PLEKHA6: variants seen among roughly 807,000 people sequenced by gnomAD.
PLEKHA6 encodes the protein pleckstrin homology domain-containing family A member 6.
PLEKHA6 carries 60 observed loss-of-function variants against 116.7 expected under a neutral mutation model. The observed-to-expected ratio is 0.51, with a 90% CI of 0.42 to 0.64. PLEKHA6 has a LOEUF of 0.64. PLEKHA6 is among the 30% of genes least tolerant of loss of function. The probability of loss-of-function intolerance (pLI) is 0.00; values close to 1 mark genes in which losing one functional copy is unlikely to be tolerated. For synonymous variants in PLEKHA6, 489 were observed against 556.1 expected (o/e 0.88, Z 1.70); for missense variants, 1,338 against 1,422.7 (o/e 0.94, Z 0.96).
chr1:204,332,940 T>A (rs917590173), intron 1 of PLEKHA6, among the ~76,000 whole-genome samples: 1 of 152,176 alleles, frequency 6.6e-6, no homozygotes, highest in African/African-American at 2.4e-5. Flanking sequence ...GAGCTCTCAG[T>A]AGAAAAGACG....
intron 1 of PLEKHA6, among the ~76,000 whole-genome samples, chr1:204,322,221 GC>G (rs767625545): frequency 6.6e-6 from 1 of 152,016 alleles, no homozygotes; most frequent in African/African-American, 2.4e-5. Context: ...GTCTGAACCC[GC>G]CCCCCTACAC....
At chr1:204,342,291 T>C (rs985243925) in intron 1 of PLEKHA6, among the ~76,000 whole-genome samples, 4 of 152,202 alleles carry the variant, frequency 2.6e-5, no homozygotes, top group African/African-American at 4.8e-5. Flanking sequence ...AGAATTGTTC[T>C]AGGAGTTCAA....
intron 1 of PLEKHA6, among the ~76,000 whole-genome samples, chr1:204,372,127 T>G (rs1233320418): frequency 6.6e-6 from 1 of 152,222 alleles, no homozygotes; most frequent in East Asian, 1.9e-4. Context: ...CAATGCTACA[T>G]ATTTTTCATT....
chr1:204,292,865 C>T (rs1241278904), intron 1 of PLEKHA6, among the ~76,000 whole-genome samples: 1 of 150,974 alleles, frequency 6.6e-6, no homozygotes, highest in African/African-American at 2.4e-5. Context: ...ATGCCACTCC[C>T]AAGGCGGAAG....
At position 204,280,269 on chromosome 1, in the gene PLEKHA6, C is replaced by T. The variant is rs912544776; in HGVS notation, c.-94-5460G>A. 40 of 977,962 alleles carry T rather than the reference C, an allele frequency of 4.1e-5. No homozygotes were observed. In the South Asian group the frequency reaches 1.4e-3, roughly 34 times the overall value. 60.6% of individuals were successfully genotyped at this position (977,962 alleles called of 1,614,324 possible). Reference sequence around the variant, plus strand: ...CATCCCCCTGGAGAGTCAGCCTCCACGTGCAGTATACCTGGCACTACACTG... The same window carrying T: ...CATCCCCCTGGAGAGTCAGCCTCCATGTGCAGTATACCTGGCACTACACTG... On this transcript the variant is annotated intron_variant, in intron 1 of 22. Coordinates refer to ENST00000272203, the MANE Select transcript of PLEKHA6 (RefSeq NM_014935.5).
chr1:204,222,213 G>C lies in PLEKHA6; in HGVS notation c.*575C>G, dbSNP rs1261726319. ...TCAAGCAGGGTGGTCAGTCTCCACC[G>C]GACCCCAGCGAGCACCCATAAGCAA... On this transcript the variant is annotated 3_prime_UTR_variant, in exon 23 of 23. Coordinates refer to ENST00000272203, the MANE Select transcript of PLEKHA6 (RefSeq NM_014935.5). 1.3e-5 allele frequency: 2 copies of C among 152,624 alleles called. No individual in the cohort carries two copies. The highest frequency in any genetic ancestry group is 3.9e-4 in the East Asian group (2 of 5,164). The allele number at this position is 152,624 out of a possible 1,614,324, so 9.5% of individuals were successfully genotyped here.
chr1:204,228,250 G>C lies in PLEKHA6; in HGVS notation c.2886-22C>G, dbSNP rs537444400. 32 of 1,571,528 alleles carry C rather than the reference G, an allele frequency of 2.0e-5. No individual in the cohort carries two copies. In the East Asian group the frequency reaches 7.0e-4, roughly 35 times the overall value. On this transcript the variant is annotated intron_variant, in intron 20 of 22. Coordinates refer to ENST00000272203, the MANE Select transcript of PLEKHA6 (RefSeq NM_014935.5). The surrounding 1 kb of genome is among the most constrained non-coding windows in gnomAD (Gnocchi z 4.0). ...CATACTGAAGAGGCACAGACACACA[G>C]AAATGGAGGGAGGGACAGGATGGTC...
At chr1:204,351,617 G>T (rs913622978) in intron 1 of PLEKHA6, among the ~76,000 whole-genome samples, 2 of 149,364 alleles carry the variant, frequency 1.3e-5, no homozygotes, top group African/African-American at 5.2e-5. Flanking sequence ...TGTTGTAGGT[G>T]ACTTGTGTGA....
At chr1:204,324,181 G>A (rs905865254) in intron 1 of PLEKHA6, among the ~76,000 whole-genome samples, 3 of 152,068 alleles carry the variant, frequency 2.0e-5, no homozygotes, top group African/African-American at 7.2e-5. Context: ...GCCCTCTTTG[G>A]GGTCCACATC....
chr1:204,353,114 A>T (rs1260853266), intron 1 of PLEKHA6, among the ~76,000 whole-genome samples: 1 of 152,232 alleles, frequency 6.6e-6, no homozygotes, highest in African/African-American at 2.4e-5. Flanking sequence ...CCCACCACTT[A>T]ATTCCATGCT....
At chr1:204,268,578 C>CT (rs68190806) in intron 3 of PLEKHA6, among the ~76,000 whole-genome samples, 2,599 of 136,632 alleles carry the variant, frequency 0.019, 78 homozygotes, top group African/African-American at 0.064. Context: ...GTCTCACAGC[C>CT]TTTTTTTTTT....
rs1399670721 is a variant in PLEKHA6 at position 204,248,753 on chromosome 1, T to C, written c.1824+68A>G. On this transcript the variant is annotated intron_variant, in intron 12 of 22. Coordinates refer to ENST00000272203, the MANE Select transcript of PLEKHA6 (RefSeq NM_014935.5). The stretch of plus-strand genomic sequence containing the variant: ...AAAACTGGACTAGGACAGCACAAGC[T>C]GGGAGGTGGTGGCCCTGCTGCCTAG... The C allele has an allele frequency of 7.6e-6, 11 of 1,444,308 alleles. No individual in the cohort carries two copies. The Admixed American group carries it at 1.4e-4, about 18-fold the overall frequency. 89.5% of individuals were successfully genotyped at this position (1,444,308 alleles called of 1,614,324 possible).
intron 1 of PLEKHA6, among the ~76,000 whole-genome samples, chr1:204,294,554 G>A (rs1199745331): frequency 6.6e-6 from 1 of 152,196 alleles, no homozygotes; most frequent in Non-Finnish European, 1.5e-5. Flanking sequence ...TGTTAGTTGT[G>A]CAACTTGAAA....
intron 5 of PLEKHA6, among the ~76,000 whole-genome samples, 185 bp downstream of exon 5, chr1:204,267,286 GAGTA>G (rs1406527536): frequency 6.6e-6 from 1 of 152,236 alleles, no homozygotes; most frequent in Non-Finnish European, 1.5e-5. Flanking sequence ...CTGAATGGGT[GAGTA>G]AGTGAGTGTG....
intron 1 of PLEKHA6, among the ~76,000 whole-genome samples, chr1:204,341,094 G>A (rs539185582): frequency 5.9e-5 from 9 of 152,192 alleles, no homozygotes; most frequent in Non-Finnish European, 1.2e-4. Context: ...CTCTCCTACC[G>A]TGGTCTGCAG....
At chr1:204,370,563 A>T (rs1172424553) in intron 2 of PLEKHA6, among the ~76,000 whole-genome samples, 1 of 152,180 alleles carries the variant, frequency 6.6e-6, no homozygotes, top group African/African-American at 2.4e-5. Flanking sequence ...CTTAGACTGA[A>T]GTCTTTTTCC....
chr1:204,222,859 G>A (rs1433966755), intron 22 of PLEKHA6, 80 bp from the exon 23 acceptor site: 2 of 154,752 alleles, frequency 1.3e-5, no homozygotes, highest in Non-Finnish European at 2.9e-5. Flanking sequence ...GGAAAAAGAA[G>A]CCTCATCCTG....
rs115073138 is a variant in PLEKHA6, at chr1:204,224,645, C to G, written c.3032-1060G>C. Among the ~76,000 whole-genome samples the G allele has an allele frequency of 3.1e-3, 477 of 152,280 alleles. 1 individual carries two copies. The highest frequency in any genetic ancestry group is 0.011 in the African/African-American group (462 of 41,554). ...GGATGTGAAGTTTTCTGCCTATACA[C>G]GATACAAAGTTTGTGCATGGGATCT... On this transcript the variant is annotated intron_variant, in intron 21 of 22. Transcript: ENST00000272203.
At chr1:204,274,314 C>T (rs1667792776) in intron 2 of PLEKHA6, among the ~76,000 whole-genome samples, 1 of 152,168 alleles carries the variant, frequency 6.6e-6, no homozygotes. Flanking sequence ...TGCTTAGTGG[C>T]CTATGAGAGT....
Sources: allele counts gnomAD v4.1 joint callset (sites outside exome capture counted in the v4.1 genomes callset), GRCh38; gene constraint gnomAD v4.1.1; non-coding constraint Gnocchi (gnomAD v3.1); transcripts MANE v1.5; gene names NCBI Gene and HGNC (gene_info 2026-07-23, HGNC 2026-07-21).